FGD6: variants seen among roughly 807,000 people sequenced by gnomAD.
The protein encoded by FGD6 is FYVE, RhoGEF and PH domain-containing protein 6.
Under a neutral mutation model 149.4 loss-of-function variants are expected in FGD6, and 90 were observed. The ratio of observed to expected loss-of-function variants is 0.60; its 90% CI spans 0.51 to 0.72. FGD6 has a LOEUF of 0.72. Among genes scored for constraint, FGD6 ranks in the 30% least tolerant of loss-of-function variants. The probability of loss-of-function intolerance (pLI) is 0.00; values close to 1 mark genes in which losing one functional copy is unlikely to be tolerated. For synonymous variants in FGD6, 527 were observed against 584.0 expected, an observed-to-expected ratio of 0.90 and a Z score of 1.41; for missense variants, 1,437 against 1,684.8, an observed-to-expected ratio of 0.85 and a Z score of 2.57.
chr12:95,169,957 T>A (rs1308570433), intron 3 of FGD6, among the ~76,000 whole-genome samples: 1 of 150,998 alleles, frequency 6.6e-6, no homozygotes, highest in Non-Finnish European at 1.5e-5. Flanking sequence ...TCCTTCTCTA[T>A]TAAAAATACA....
chr12:95,141,626 T>C, intron 5 of FGD6, 87 bp from the exon 6 acceptor site: 2 of 1,432,846 alleles, frequency 1.4e-6, no homozygotes, highest in Non-Finnish European at 1.9e-6. Context: ...CTCCCTAAAA[T>C]GATACAGATT....
chr12:95,154,565 A>G (rs945031098), intron 3 of FGD6, among the ~76,000 whole-genome samples: 2 of 152,192 alleles, frequency 1.3e-5, no homozygotes, highest in African/African-American at 4.8e-5. Flanking sequence ...TTTAGATGTT[A>G]CACCTAAGGT....
chr12:95,088,022 T>C (rs1877934850), intron 18 of FGD6, among the ~76,000 whole-genome samples: 1 of 152,240 alleles, frequency 6.6e-6, no homozygotes, highest in Non-Finnish European at 1.5e-5. Flanking sequence ...TATATTCTTA[T>C]CTAAGTTGTT....
intron 2 of FGD6, among the ~76,000 whole-genome samples, chr12:95,192,655 G>A (rs941143774): frequency 6.6e-6 from 1 of 152,210 alleles, no homozygotes; most frequent in Non-Finnish European, 1.5e-5. Flanking sequence ...ACAAGAAGAG[G>A]CAGTGTTAGA....
chr12:95,137,700 A>C, intron 6 of FGD6, 22 bp from the exon 7 acceptor site: 1 of 1,518,764 alleles, frequency 6.6e-7, no homozygotes, highest in Non-Finnish European at 8.8e-7. Context: ...GAAGAGATAC[A>C]CAAAAAAATA....
In FGD6 at chr12:95,208,844, T is replaced by C; in HGVS notation, c.2440A>G (p.Ser814Gly). The change falls in exon 2 of 21, where the codon AGT becomes GGT. Residue 814 changes from serine to glycine, a missense_variant and splice_region_variant. By Grantham distance (56) the Ser-to-Gly change is moderately conservative. Around this residue, in one of 2 missense-constraint regions of FGD6, gnomAD observed 1,055 missense variants for 1,146.0 expected, o/e 0.92. Transcript: ENST00000343958. ...LQLGPRHQHS[S>G]SGASQEEQND... is the part of the protein sequence containing the mutation. ...AAGTGTCTGTCTGGCACCTGTTACC[T>C]GGAATGCTGATGTCTGGGTCCAAGC... 6.2e-7 allele frequency: 1 copy of C among 1,609,914 alleles called. No individual in the cohort carries two copies. The highest frequency in any genetic ancestry group is 8.5e-7 in the Non-Finnish European group (1 of 1,177,432).
intron 20 of FGD6, 133 bp from the exon 21 acceptor site, chr12:95,081,689 T>G (rs1877679931): frequency 3.0e-6 from 1 of 337,922 alleles, no homozygotes; most frequent in Middle Eastern, 5.6e-4. Context: ...ATATGTATTT[T>G]TTTTTTTTTT....
chr12:95,151,025 A>G (rs1248419052), intron 5 of FGD6, among the ~76,000 whole-genome samples: 1 of 151,962 alleles, frequency 6.6e-6, no homozygotes, highest in African/African-American at 2.4e-5. Flanking sequence ...CCCAGGAGGT[A>G]GAGCTTGCAG....
chr12:95,137,614 T>C lies in FGD6; in HGVS notation c.2902A>G (p.Thr968Ala), dbSNP rs1485297488. 4 of 1,612,080 alleles carry C rather than the reference T, an allele frequency of 2.5e-6. No homozygotes were observed. The Admixed American group carries it at 6.7e-5, about 27-fold the overall frequency. ...KKGPYLKMYS[T>A]YIKEFDKNIA... ...TTCTTATCAAATTCTTTGATGTATG[T>C]GGAATACATTTTTAGATATGGTCCC... The change falls in exon 7 of 21, where the codon ACA becomes GCA. Residue 968 changes from threonine to alanine, a missense_variant. Physicochemically the swap from Thr to Ala is moderately conservative, Grantham distance 58 (BLOSUM62 0). Transcript: ENST00000343958.
At chr12:95,199,322 T>C (rs1881807346) in intron 2 of FGD6, among the ~76,000 whole-genome samples, 1 of 152,218 alleles carries the variant, frequency 6.6e-6, no homozygotes, top group Non-Finnish European at 1.5e-5. Context: ...CCTAAGACTA[T>C]ATTTAACCTA....
chr12:95,088,512 C>T (rs1877948542), intron 18 of FGD6, among the ~76,000 whole-genome samples: 1 of 152,124 alleles, frequency 6.6e-6, no homozygotes, highest in Non-Finnish European at 1.5e-5. Flanking sequence ...AGAATAAGAA[C>T]ACAACTTCCC....
At chr12:95,155,293 G>A (rs1400538388) in intron 3 of FGD6, among the ~76,000 whole-genome samples, 15 of 152,292 alleles carry the variant, frequency 9.8e-5, no homozygotes, top group African/African-American at 3.4e-4. Context: ...TTGGCAGGCC[G>A]AGGCAGGTGG....
chr12:95,155,982 A>G (rs2136274823), intron 3 of FGD6, among the ~76,000 whole-genome samples: 1 of 152,214 alleles, frequency 6.6e-6, no homozygotes, highest in East Asian at 1.9e-4. Flanking sequence ...TCACTTCCCC[A>G]GTCAATACCC....
At chr12:95,154,256 G>A (rs976705069) in intron 3 of FGD6, among the ~76,000 whole-genome samples, 4 of 151,958 alleles carry the variant, frequency 2.6e-5, no homozygotes, top group Non-Finnish European at 4.4e-5. Context: ...CACTGTGCCC[G>A]GCCATGAAAT....
chr12:95,168,668 A>AC, intron 3 of FGD6, among the ~76,000 whole-genome samples: 1 of 152,196 alleles, frequency 6.6e-6, no homozygotes, highest in East Asian at 1.9e-4. Context: ...CATCTTAAAA[A>AC]AAAAAAAAAT....
chr12:95,116,814 G>A (rs1482878253), intron 8 of FGD6: 2 of 455,820 alleles, frequency 4.4e-6, no homozygotes, highest in Non-Finnish European at 8.8e-6. Flanking sequence ...TCTTCTTGCA[G>A]TATATCTTTT....
At chr12:95,121,285 C>A (rs1020339387) in intron 8 of FGD6, among the ~76,000 whole-genome samples, 2 of 151,238 alleles carry the variant, frequency 1.3e-5, no homozygotes, top group East Asian at 3.9e-4. Context: ...ACTGAAAATA[C>A]AAAAAATTAG....
chr12:95,212,378 G>T lies in FGD6; in HGVS notation c.17-1111C>A, dbSNP rs1222333097. Among the ~76,000 whole-genome samples, 3 of 152,066 alleles carry T rather than the reference G, an allele frequency of 2.0e-5. No homozygotes were observed. In the East Asian group the frequency reaches 5.8e-4, roughly 29 times the overall value. On this transcript the variant is annotated intron_variant, in intron 1 of 20. Coordinates refer to ENST00000343958, the MANE Select transcript of FGD6 (RefSeq NM_018351.4). ...ATTCTTCCTAAACATTATATATAAG[G>T]TATTTAACTAACACCTATTATACAA...
chr12:95,100,759 A>G, intron 14 of FGD6: 2 of 503,306 alleles, frequency 4.0e-6, no homozygotes, highest in Admixed American at 4.3e-5. Context: ...CAAGGATATC[A>G]ATGCTTACAA....
Sources: allele counts gnomAD v4.1 joint callset (sites outside exome capture counted in the v4.1 genomes callset), GRCh38; gene constraint gnomAD v4.1.1; regional missense constraint gnomAD v4.1.1; transcripts MANE v1.5; gene names NCBI Gene and HGNC (gene_info 2026-07-23, HGNC 2026-07-21).